COP1: variants seen among roughly 807,000 people sequenced by gnomAD.
COP1 encodes E3 ubiquitin-protein ligase COP1.
Under a neutral mutation model 101.3 loss-of-function variants are expected in COP1, and 24 were observed. The observed-to-expected ratio is 0.24, with a 90% CI of 0.17 to 0.33. COP1 has a LOEUF of 0.33. Ranked by LOEUF, COP1 falls within the 10% of genes least tolerant of loss-of-function variation. The pLI, the probability that COP1 is intolerant of heterozygous loss-of-function variation, is 1.00. For missense variants in COP1, 663 were observed against 906.2 expected, an observed-to-expected ratio of 0.73 and a Z score of 3.45; for synonymous variants, 347 against 341.9, an observed-to-expected ratio of 1.01 and a Z score of -0.17.
chr1:176,010,228 T>C (rs530142058), intron 15 of COP1, among the ~76,000 whole-genome samples: 19 of 152,288 alleles, frequency 1.2e-4, no homozygotes, highest in African/African-American at 3.8e-4. Flanking sequence ...ATCAGGATAT[T>C]TGACTTTTAA....
intron 8 of COP1, among the ~76,000 whole-genome samples, chr1:176,133,314 C>T (rs1689257066): frequency 6.6e-6 from 1 of 151,492 alleles, no homozygotes; most frequent in African/African-American, 2.4e-5. Flanking sequence ...AACCAATGTC[C>T]CAGCACCATT....
At chr1:176,156,138 A>G (rs903281786) in intron 5 of COP1, among the ~76,000 whole-genome samples, 1 of 152,114 alleles carries the variant, frequency 6.6e-6, no homozygotes, top group African/African-American at 2.4e-5. Context: ...ACATGGTTTG[A>G]ACCAAAAAAA....
intron 9 of COP1, among the ~76,000 whole-genome samples, chr1:176,098,032 A>C (rs116592214): frequency 0.014 from 2,196 of 152,310 alleles, 55 homozygotes; most frequent in African/African-American, 0.05. Flanking sequence ...GGTAAAATAC[A>C]GATGTCATCA....
intron 18 of COP1, among the ~76,000 whole-genome samples, chr1:175,949,925 T>A (rs1297716966): frequency 6.6e-6 from 1 of 152,176 alleles, no homozygotes; most frequent in Admixed American, 6.5e-5. Flanking sequence ...TGACTTCTGA[T>A]GGGAGCAAAA....
At chr1:176,148,481 A>C (rs1159551001) in intron 6 of COP1, among the ~76,000 whole-genome samples, 1 of 152,118 alleles carries the variant, frequency 6.6e-6, no homozygotes, top group Non-Finnish European at 1.5e-5. Context: ...TATTTTGTAT[A>C]GTGTGAAATG....
intron 3 of COP1, among the ~76,000 whole-genome samples, chr1:176,168,413 G>A (rs1695482996): frequency 6.6e-6 from 1 of 150,432 alleles, no homozygotes; most frequent in Non-Finnish European, 1.5e-5. Context: ...GTGGGTGGGG[G>A]GAGTACGGGG....
At chr1:176,143,418 C>A (rs1055609907) in intron 6 of COP1, among the ~76,000 whole-genome samples, 4 of 152,108 alleles carry the variant, frequency 2.6e-5, no homozygotes, top group Admixed American at 1.3e-4. Context: ...CCAGTAAGAT[C>A]TTTAAACATT....
intron 18 of COP1, among the ~76,000 whole-genome samples, chr1:175,975,353 A>G (rs978089592): frequency 2.0e-5 from 3 of 152,172 alleles, no homozygotes; most frequent in African/African-American, 7.2e-5. Context: ...AGACTAACAA[A>G]AAACCAAAAG....
intron 1 of COP1, among the ~76,000 whole-genome samples, chr1:176,190,022 GA>G (rs377745220): frequency 1.5e-4 from 23 of 150,100 alleles, no homozygotes; most frequent in African/African-American, 4.9e-4. Flanking sequence ...ATTTCAGATG[GA>G]AAAAAAAAGA....
chr1:176,072,100 C>T (rs2149353664), intron 11 of COP1, among the ~76,000 whole-genome samples: 1 of 152,308 alleles, frequency 6.6e-6, no homozygotes, highest in Non-Finnish European at 1.5e-5. Context: ...AGAAAACTCA[C>T]CAACACTTGC....
At chr1:175,960,614 GTAA>G (rs971842196) in intron 18 of COP1, among the ~76,000 whole-genome samples, 2 of 152,124 alleles carry the variant, frequency 1.3e-5, no homozygotes, top group Admixed American at 1.3e-4. Context: ...AGACTGTTTA[GTAA>G]TAATATGTTA....
intron 14 of COP1, among the ~76,000 whole-genome samples, chr1:176,032,386 A>T (rs1668782589): frequency 6.6e-6 from 1 of 152,242 alleles, no homozygotes; most frequent in Non-Finnish European, 1.5e-5. Context: ...TGTCAAAGGG[A>T]AACAACAGAC....
chr1:176,187,187 T>C (rs1190969956), intron 1 of COP1, among the ~76,000 whole-genome samples: 6 of 152,040 alleles, frequency 3.9e-5, no homozygotes, highest in Admixed American at 3.9e-4. Context: ...TGCACTGGCA[T>C]GATCATGACT....
At chr1:176,123,355 T>A (rs761593860) in intron 8 of COP1, among the ~76,000 whole-genome samples, 2 of 152,204 alleles carry the variant, frequency 1.3e-5, no homozygotes, top group Non-Finnish European at 2.9e-5. Context: ...TACATTTGTA[T>A]ACAGTTGTCC....
At chr1:176,147,701 A>G (rs1364471780) in intron 6 of COP1, among the ~76,000 whole-genome samples, 1 of 152,236 alleles carries the variant, frequency 6.6e-6, no homozygotes, top group Non-Finnish European at 1.5e-5. Context: ...TAAAAACACT[A>G]TGCCAAAGCT....
chr1:176,138,973 TAA>T (rs1335140886), intron 6 of COP1, among the ~76,000 whole-genome samples: 1 of 152,130 alleles, frequency 6.6e-6, no homozygotes, highest in Admixed American at 6.6e-5. Context: ...TTACTATATA[TAA>T]GAGGTCTTTA....
At chr1:175,967,587 C>A (rs755687073) in intron 18 of COP1, among the ~76,000 whole-genome samples, 4 of 152,204 alleles carry the variant, frequency 2.6e-5, no homozygotes, top group Non-Finnish European at 4.4e-5. Context: ...CCTCTCCCCA[C>A]AACTTAACAG....
intron 11 of COP1, among the ~76,000 whole-genome samples, chr1:176,073,641 A>G (rs1312434570): frequency 2.0e-5 from 3 of 152,150 alleles, no homozygotes; most frequent in Non-Finnish European, 4.4e-5. Flanking sequence ...ACCATCTTCT[A>G]CTTATGAGAG....
intron 8 of COP1, among the ~76,000 whole-genome samples, chr1:176,129,215 C>A (rs1056958243): frequency 6.6e-6 from 1 of 151,466 alleles, no homozygotes; most frequent in African/African-American, 2.4e-5. Context: ...TAAAATGATT[C>A]CTTGTTTTTT....
Sources: gnomAD v4.1 joint callset for allele counts (sites outside exome capture counted in the v4.1 genomes callset) on GRCh38, gnomAD v4.1.1 for gene constraint, MANE v1.5 for transcripts, NCBI Gene and HGNC (gene_info 2026-07-23, HGNC 2026-07-21) for gene names.